Variants in CSMD1 observed in about 807,000 individuals in gnomAD.
CSMD1 encodes the protein CUB and Sushi multiple domains 1.
In CSMD1, 213 loss-of-function variants were observed where a neutral mutation model predicts 417.5. That is an observed-to-expected ratio of 0.51 (90% CI 0.46 to 0.57). The LOEUF is 0.57. CSMD1 is among the 20% of genes least tolerant of loss of function. CSMD1 has a pLI of 0.00. For missense variants in CSMD1, 6,923 were observed against 4,529.7 expected (o/e 1.53, Z -15.17); for synonymous variants, 2,862 against 1,736.8 (o/e 1.65, Z -16.11).
chr8:4,102,297 T>C (rs1267898748), intron 3 of CSMD1, among the ~76,000 whole-genome samples: 1 of 152,204 alleles, frequency 6.6e-6, no homozygotes, highest in African/African-American at 2.4e-5. Context: ...AGAGAAATCA[T>C]GATCTTAGCT....
intron 1 of CSMD1, among the ~76,000 whole-genome samples, chr8:4,680,239 C>T (rs1439126996): frequency 5.9e-5 from 9 of 152,076 alleles, no homozygotes; most frequent in South Asian, 2.1e-4. Flanking sequence ...CTGGACATTC[C>T]GCTGATTTTC....
Position 2,938,440 on chromosome 8 carries a change from C to T in CSMD1, c.*145G>A, listed in dbSNP as rs1659330249. ...ACCCTGACACATTTGAGTAGAGATC[C>T]CCGCTGCACTTATGCCAGTAGACAA... On this transcript the variant is annotated 3_prime_UTR_variant, in exon 70 of 70. Coordinates refer to ENST00000635120, the MANE Select transcript of CSMD1 (RefSeq NM_033225.6). 2 of 715,808 alleles carry T rather than the reference C, an allele frequency of 2.8e-6. No individual in the cohort carries two copies. Among genetic ancestry groups the T allele is most frequent in the Non-Finnish European group, 4.5e-6 (2 of 444,216 alleles). The allele number at this position is 715,808 out of a possible 1,614,324, so 44.3% of individuals were successfully genotyped here. A position where few individuals can be genotyped will look rare whatever the true frequency, so the allele number is the denominator to read the frequency against.
chr8:4,185,746 A>T (rs904800657), intron 3 of CSMD1, among the ~76,000 whole-genome samples: 2 of 152,238 alleles, frequency 1.3e-5, no homozygotes, highest in Non-Finnish European at 2.9e-5. Flanking sequence ...TTGAAGAGCT[A>T]TCATTTTGAG....
intron 3 of CSMD1, among the ~76,000 whole-genome samples, chr8:4,383,901 C>A (rs1219062072): frequency 6.6e-6 from 1 of 152,108 alleles, no homozygotes; most frequent in Non-Finnish European, 1.5e-5. Context: ...TTTAGATACT[C>A]ATAAATGTTT....
chr8:4,138,180 G>T (rs898642692), intron 3 of CSMD1, among the ~76,000 whole-genome samples: 2 of 142,212 alleles, frequency 1.4e-5, no homozygotes, highest in African/African-American at 2.7e-5. Flanking sequence ...CTCCCAAAGT[G>T]CTGGGATTAC....
intron 33 of CSMD1, among the ~76,000 whole-genome samples, chr8:3,199,336 A>T (rs2116715986): frequency 6.6e-6 from 1 of 152,240 alleles, no homozygotes; most frequent in East Asian, 1.9e-4. Context: ...TGTATAATGC[A>T]TTTTAAACAT....
intron 2 of CSMD1, among the ~76,000 whole-genome samples, chr8:4,421,278 C>G (rs1797236176): frequency 6.6e-6 from 1 of 152,292 alleles, no homozygotes; most frequent in East Asian, 1.9e-4. Flanking sequence ...AGTTTAAATT[C>G]TCCTGTGACT....
At chr8:3,446,279 G>C (rs1016011575) in intron 12 of CSMD1, among the ~76,000 whole-genome samples, 2 of 152,186 alleles carry the variant, frequency 1.3e-5, no homozygotes, top group African/African-American at 4.8e-5. Flanking sequence ...TGCTGCATGG[G>C]CTATTGTAAA....
chr8:4,015,408 G>A (rs1034642718), intron 4 of CSMD1, among the ~76,000 whole-genome samples: 2 of 151,918 alleles, frequency 1.3e-5, no homozygotes, highest in African/African-American at 2.4e-5. Context: ...AAAAAACCTC[G>A]ACTGACAGTT....
intron 5 of CSMD1, among the ~76,000 whole-genome samples, chr8:3,856,454 C>A (rs1228663763): frequency 6.6e-6 from 1 of 152,126 alleles, no homozygotes; most frequent in African/African-American, 2.4e-5. Context: ...ACATACTACT[C>A]CTAACATGCT....
chr8:3,949,371 C>G (rs939696020), intron 5 of CSMD1, among the ~76,000 whole-genome samples: 2 of 152,140 alleles, frequency 1.3e-5, no homozygotes, highest in Non-Finnish European at 2.9e-5. Flanking sequence ...CTCACAGTCC[C>G]TGGAAACAAC....
intron 3 of CSMD1, among the ~76,000 whole-genome samples, chr8:4,083,235 T>C (rs1800235539): frequency 6.6e-6 from 1 of 152,072 alleles, no homozygotes; most frequent in Non-Finnish European, 1.5e-5. Context: ...CCACCAACAG[T>C]GTAAAAGTGT....
At chr8:4,790,078 G>C (rs1240064579) in intron 1 of CSMD1, among the ~76,000 whole-genome samples, 1 of 152,164 alleles carries the variant, frequency 6.6e-6, no homozygotes, top group Non-Finnish European at 1.5e-5. Context: ...AACATTCGAT[G>C]AGTTTTGTGG....
At position 4,382,735 on chromosome 8, in the gene CSMD1, T is replaced by C. The variant is rs1563115722; in HGVS notation, c.415+37218A>G. ...CTTCTTTGTTTTTAACGCTTTGCAT[T>C]GTTAGGTCCATAAACATTCTGTGTC... On this transcript the variant is annotated intron_variant, in intron 3 of 69. Coordinates refer to ENST00000635120, the MANE Select transcript of CSMD1 (RefSeq NM_033225.6). 2.6e-5 allele frequency among the ~76,000 whole-genome samples: 4 copies of C among 152,310 alleles called. No individual in the cohort carries two copies. The East Asian group carries it at 5.8e-4, about 22-fold the overall frequency.
chr8:4,166,675 G>A (rs1314874789), intron 3 of CSMD1, among the ~76,000 whole-genome samples: 2 of 152,044 alleles, frequency 1.3e-5, no homozygotes, highest in East Asian at 1.9e-4. Flanking sequence ...GGGGTGATGG[G>A]TGCACCAAAA....
At chr8:4,723,355 C>G (rs1040799881) in intron 1 of CSMD1, among the ~76,000 whole-genome samples, 1 of 151,986 alleles carries the variant, frequency 6.6e-6, no homozygotes, top group Non-Finnish European at 1.5e-5. Flanking sequence ...TTTCAAGGAC[C>G]GAGGTTCGCT....
At chr8:4,520,718 T>A (rs145434969) in intron 2 of CSMD1, among the ~76,000 whole-genome samples, 3 of 152,328 alleles carry the variant, frequency 2.0e-5, no homozygotes, top group Non-Finnish European at 2.9e-5. Flanking sequence ...ATCCTGAACT[T>A]TTGTTCCAAT....
At chr8:4,199,529 T>C (rs565519744) in intron 3 of CSMD1, among the ~76,000 whole-genome samples, 1 of 152,232 alleles carries the variant, frequency 6.6e-6, no homozygotes, top group African/African-American at 2.4e-5. Context: ...ATATAAGCGA[T>C]CATCAGTATT....
chr8:4,350,950 G>A (rs147268046), intron 3 of CSMD1, among the ~76,000 whole-genome samples: 210 of 152,242 alleles, frequency 1.4e-3, no homozygotes, highest in African/African-American at 4.5e-3. Flanking sequence ...CTTGCTTTCT[G>A]CAAGTCATCG....
Sources: allele counts gnomAD v4.1 joint callset (sites outside exome capture counted in the v4.1 genomes callset), GRCh38; gene constraint gnomAD v4.1.1; transcripts MANE v1.5; gene names NCBI Gene and HGNC (gene_info 2026-07-23, HGNC 2026-07-21).